LHFPL6: variants seen among roughly 807,000 people sequenced by gnomAD.
The protein encoded by LHFPL6 is LHFPL tetraspan subfamily member 6.
A neutral mutation model predicts 20.6 loss-of-function variants in LHFPL6; 9 were observed. The observed-to-expected ratio is 0.44, with a 90% confidence interval of 0.26 to 0.76. The LOEUF (loss-of-function observed/expected upper bound fraction) is 0.76. Ranked by LOEUF, LHFPL6 falls within the 30% of genes least tolerant of loss-of-function variation. The probability of loss-of-function intolerance (pLI) is 0.20; values close to 1 mark genes in which losing one functional copy is unlikely to be tolerated. For synonymous variants in LHFPL6, 105 were observed against 98.7 expected (o/e 1.06, Z -0.38); for missense variants, 218 against 253.5 (o/e 0.86, Z 0.95).
At chr13:39,443,200 G>A (rs1385662258) in intron 2 of LHFPL6, among the ~76,000 whole-genome samples, 1 of 152,138 alleles carries the variant, frequency 6.6e-6, no homozygotes, top group Non-Finnish European at 1.5e-5. Flanking sequence ...ATGAGAAAAG[G>A]ATGAGTTCTG....
rs532974963 is a variant in LHFPL6, at chr13:39,528,594, A to T, written c.385+72238T>A. ...GTGCCACTTTTACAAATAAACTTCC[A>T]CGTTTCCCATCTCGCTCTATGATAC... On this transcript the variant is annotated intron_variant, in intron 2 of 3. Transcript: ENST00000379589. Among the ~76,000 whole-genome samples, 13 of 152,282 alleles carry T rather than the reference A, an allele frequency of 8.5e-5. No individual in the cohort carries two copies. The South Asian group carries it at 2.7e-3, about 32-fold the overall frequency.
chr13:39,469,465 A>T (rs1872890678), intron 2 of LHFPL6, among the ~76,000 whole-genome samples: 1 of 152,208 alleles, frequency 6.6e-6, no homozygotes. Context: ...TGTGGAATAT[A>T]GGCAGCTCCC....
At chr13:39,440,493 A>T (rs776044774) in intron 2 of LHFPL6, among the ~76,000 whole-genome samples, 5 of 152,212 alleles carry the variant, frequency 3.3e-5, no homozygotes, top group Non-Finnish European at 7.3e-5. Flanking sequence ...TGCAACTCAA[A>T]CAAACAGAAA....
At chr13:39,403,363 A>C (rs977606768) in intron 2 of LHFPL6, among the ~76,000 whole-genome samples, 2 of 152,168 alleles carry the variant, frequency 1.3e-5, no homozygotes, top group Non-Finnish European at 2.9e-5. Context: ...CCCAAGAAGA[A>C]TTTTATCATT....
chr13:39,364,649 T>C (rs1242065109), intron 3 of LHFPL6, among the ~76,000 whole-genome samples: 1 of 152,128 alleles, frequency 6.6e-6, no homozygotes, highest in African/African-American at 2.4e-5. Flanking sequence ...TTTCTTTCTT[T>C]TCTTTTCTTT....
chr13:39,600,680 A>C, intron 2 of LHFPL6, 152 bp downstream of exon 2: 1 of 777,274 alleles, frequency 1.3e-6, no homozygotes, highest in Non-Finnish European at 1.8e-6. Flanking sequence ...AATAATCTTG[A>C]CTTTGGCAAC....
At chr13:39,390,256 T>C (rs1400230114) in intron 2 of LHFPL6, among the ~76,000 whole-genome samples, 1 of 152,020 alleles carries the variant, frequency 6.6e-6, no homozygotes, top group Non-Finnish European at 1.5e-5. Context: ...CCTGCCACAG[T>C]GAGCTAACTG....
At chr13:39,569,144 TGGATGGAC>T (rs1291029699) in intron 2 of LHFPL6, among the ~76,000 whole-genome samples, 2 of 29,838 alleles carry the variant, frequency 6.7e-5, no homozygotes, top group African/African-American at 1.2e-4. Flanking sequence ...GATGGATGGA[TGGATGGAC>T]GGACGGATGG....
chr13:39,574,500 A>G (rs991441877), intron 2 of LHFPL6, among the ~76,000 whole-genome samples: 9 of 151,754 alleles, frequency 5.9e-5, no homozygotes, highest in East Asian at 3.9e-4. Flanking sequence ...AAAAAAAAAA[A>G]GATTACAAAT....
intron 2 of LHFPL6, among the ~76,000 whole-genome samples, chr13:39,445,921 T>C (rs1872275250): frequency 6.6e-6 from 1 of 152,146 alleles, no homozygotes; most frequent in African/African-American, 2.4e-5. Flanking sequence ...AACAGATGGG[T>C]CTTCATAATT....
At chr13:39,562,276 A>T (rs1318234475) in intron 2 of LHFPL6, among the ~76,000 whole-genome samples, 1 of 151,674 alleles carries the variant, frequency 6.6e-6, no homozygotes, top group Non-Finnish European at 1.5e-5. Flanking sequence ...TCATGGAGAC[A>T]CCAACAAATA....
chr13:39,601,413 T>C, intron 1 of LHFPL6, 23 bp from the exon 2 acceptor site: 1 of 489,244 alleles, frequency 2.0e-6, no homozygotes. Context: ...CAGGAAACAT[T>C]AAAAATTAAA....
chr13:39,414,342 CACA>C (rs1566106041), intron 2 of LHFPL6, among the ~76,000 whole-genome samples: 1 of 152,226 alleles, frequency 6.6e-6, no homozygotes, highest in Non-Finnish European at 1.5e-5. Context: ...TCAACATTCA[CACA>C]ACATCTTCCT....
At chr13:39,517,930 C>A (rs1346618843) in intron 2 of LHFPL6, among the ~76,000 whole-genome samples, 1 of 152,122 alleles carries the variant, frequency 6.6e-6, no homozygotes, top group East Asian at 1.9e-4. Context: ...TTCTCTGTTC[C>A]ACCCACCCCC....
chr13:39,398,582 T>A (rs1406015205), intron 2 of LHFPL6, among the ~76,000 whole-genome samples: 2 of 152,216 alleles, frequency 1.3e-5, no homozygotes, highest in African/African-American at 4.8e-5. Flanking sequence ...TTGTTGGCAC[T>A]AGTTTGCCTT....
chr13:39,375,357 G>A (rs1225033785), intron 3 of LHFPL6, among the ~76,000 whole-genome samples: 1 of 152,098 alleles, frequency 6.6e-6, no homozygotes, highest in African/African-American at 2.4e-5. Context: ...AGTGTTCAGG[G>A]GAACAGTAAT....
chr13:39,490,138 T>C (rs1868871371), intron 2 of LHFPL6, among the ~76,000 whole-genome samples: 1 of 152,084 alleles, frequency 6.6e-6, no homozygotes, highest in Admixed American at 6.5e-5. Flanking sequence ...GAAGATCCTA[T>C]ACAGAACTTC....
intron 2 of LHFPL6, among the ~76,000 whole-genome samples, chr13:39,390,802 C>G (rs559316312): frequency 7.2e-5 from 11 of 152,242 alleles, no homozygotes; most frequent in African/African-American, 2.4e-4. Flanking sequence ...CGAGACCAGT[C>G]TGGCCAACAT....
chr13:39,496,718 C>T (rs1485070487), intron 2 of LHFPL6, among the ~76,000 whole-genome samples: 1 of 152,194 alleles, frequency 6.6e-6, no homozygotes, highest in Non-Finnish European at 1.5e-5. Context: ...GGCAGGAAAT[C>T]TGTTATTAGT....
Sources: allele counts gnomAD v4.1 joint callset (sites outside exome capture counted in the v4.1 genomes callset), GRCh38; gene constraint gnomAD v4.1.1; transcripts MANE v1.5; gene names NCBI Gene and HGNC (gene_info 2026-07-23, HGNC 2026-07-21).